NUDT5: variants seen among roughly 807,000 people sequenced by gnomAD.
NUDT5 encodes the protein nudix hydrolase 5, also known as ADP-sugar pyrophosphatase.
Under a neutral mutation model 34.1 loss-of-function variants are expected in NUDT5, and 21 were observed. The observed-to-expected ratio is 0.62, with a 90% confidence interval of 0.44 to 0.89. The LOEUF is 0.89. Ranked by LOEUF, NUDT5 falls within the 40% of genes least tolerant of loss-of-function variation. The pLI, the probability that NUDT5 is intolerant of heterozygous loss-of-function variation, is 0.00. For missense variants in NUDT5, 249 were observed against 274.8 expected, an observed-to-expected ratio of 0.91 and a Z score of 0.66; for synonymous variants, 85 against 97.6, an observed-to-expected ratio of 0.87 and a Z score of 0.76.
chr10:12,167,344 A>T lies in NUDT5; in HGVS notation c.*358T>A, dbSNP rs748334274. 5.4e-6 allele frequency: 1 copy of T among 183,624 alleles called. No individual in the cohort carries two copies. Among genetic ancestry groups the T allele is most frequent in the African/African-American group, 2.4e-5 (1 of 41,860 alleles). The allele number at this position is 183,624 out of a possible 1,614,324, so 11.4% of individuals were successfully genotyped here. A position where few individuals can be genotyped will look rare whatever the true frequency, so the allele number is the denominator to read the frequency against. ...TTAGAATTTTATATTGGGGGTTGAG[A>T]GTGGAAATGACCTAATTGAGAACTC... On this transcript the variant is annotated 3_prime_UTR_variant, in exon 10 of 10. Transcript: ENST00000491614.
chr10:12,174,369 C>T (rs891953240), intron 5 of NUDT5, among the ~76,000 whole-genome samples: 4 of 150,758 alleles, frequency 2.7e-5, no homozygotes, highest in African/African-American at 4.9e-5. Context: ...TGGGTTTAAA[C>T]GATTCTCCTG....
At position 12,182,299 on chromosome 10, in the gene NUDT5, G is replaced by A. The variant is rs565244704; in HGVS notation, c.131+2590C>T. The stretch of plus-strand genomic sequence containing the variant: ...GGGGCATCATGTTGGCAATGAAAAG[G>A]TTTTGGATTTTGCAGCATTTTGAAT... On this transcript the variant is annotated intron_variant, in intron 3 of 9. Coordinates refer to ENST00000491614, the MANE Select transcript of NUDT5 (RefSeq NM_014142.4). This position sits in a 1 kb window ranked among gnomAD's most constrained non-coding sequence, Gnocchi z 4.3. 1.3e-5 allele frequency among the ~76,000 whole-genome samples: 2 copies of A among 152,162 alleles called. No homozygotes were observed. The highest frequency in any genetic ancestry group is 2.9e-5 in the Non-Finnish European group (2 of 68,032).
At chr10:12,174,697 T>C (rs1423894083) in intron 5 of NUDT5, among the ~76,000 whole-genome samples, 1 of 152,216 alleles carries the variant, frequency 6.6e-6, no homozygotes, top group African/African-American at 2.4e-5. Flanking sequence ...TTCACGACCA[T>C]CTCCACGCTG....
chr10:12,191,716 A>C (rs1214100860), intron 1 of NUDT5, among the ~76,000 whole-genome samples: 1 of 152,226 alleles, frequency 6.6e-6, no homozygotes, highest in Non-Finnish European at 1.5e-5. Context: ...GTGAGATCCT[A>C]TGTAAAAAAT....
rs959690695 is a variant in NUDT5, at chr10:12,167,688, T to G, written c.*14A>C. On this transcript the variant is annotated 3_prime_UTR_variant, in exon 10 of 10. Transcript: ENST00000491614. Reference sequence around the variant, plus strand: ...TGGTCTCGTTTACAAAAATGGCCAGTGTCATATTTGGGCTTAAAATTTCAA... The same window carrying G: ...TGGTCTCGTTTACAAAAATGGCCAGGGTCATATTTGGGCTTAAAATTTCAA... 5.0e-6 allele frequency: 8 copies of G among 1,612,436 alleles called. No individual in the cohort carries two copies. The highest frequency in any genetic ancestry group is 1.7e-5 in the Admixed American group (1 of 59,830).
chr10:12,176,947 C>T (rs1281376085), intron 5 of NUDT5, among the ~76,000 whole-genome samples: 1 of 151,988 alleles, frequency 6.6e-6, no homozygotes, highest in African/African-American at 2.4e-5. Flanking sequence ...CACAGTGAAA[C>T]CCTGTCTCTA....
In NUDT5 at chr10:12,187,569, C is replaced by T. The variant is rs1404038959; in HGVS notation, c.-41-1237G>A. Among the ~76,000 whole-genome samples the T allele has an allele frequency of 1.3e-5, 2 of 152,134 alleles. No individual in the cohort carries two copies. Among genetic ancestry groups the T allele is most frequent in the Admixed American group, 1.3e-4 (2 of 15,276 alleles). On this transcript the variant is annotated intron_variant, in intron 1 of 9. Transcript: ENST00000491614. The surrounding 1 kb of genome is among the most constrained non-coding windows in gnomAD (Gnocchi z 5.4). ...ATTCAGCTGTATATAGAATTATAGA[C>T]CCAAAGCCAGTTGTCTATGAAACTG...
At position 12,168,825 on chromosome 10, in the gene NUDT5, C is replaced by T. The variant is rs1159385714; in HGVS notation, c.551-1014G>A. Among the ~76,000 whole-genome samples the T allele has an allele frequency of 2.6e-5, 4 of 151,924 alleles. No individual in the cohort carries two copies. Among genetic ancestry groups the T allele is most frequent in the South Asian group, 2.1e-4 (1 of 4,808 alleles). ...GTCGCCAGGCTGCAGTGCAGTGCCA[C>T]GATCTTGGCTCACTGCAACCTGCGC... On this transcript the variant is annotated intron_variant, in intron 9 of 9. Transcript: ENST00000491614. This position sits in a 1 kb window ranked among gnomAD's most constrained non-coding sequence, Gnocchi z 4.8.
In NUDT5 at chr10:12,168,537, C is replaced by T. The variant is rs1189519851; in HGVS notation, c.551-726G>A. Among the ~76,000 whole-genome samples, 3 of 152,144 alleles carry T rather than the reference C, an allele frequency of 2.0e-5. No individual in the cohort carries two copies. The highest frequency in any genetic ancestry group is 4.4e-5 in the Non-Finnish European group (3 of 68,028). On this transcript the variant is annotated intron_variant, in intron 9 of 9. Transcript: ENST00000491614. The surrounding 1 kb of genome is among the most constrained non-coding windows in gnomAD (Gnocchi z 4.8). ...GCATGTTAGGACTGGAGATCTACTACCAAGAATGCGGTCTCAGGACCTTAT... is the reference window on the plus strand; with the variant it reads ...GCATGTTAGGACTGGAGATCTACTATCAAGAATGCGGTCTCAGGACCTTAT...
In NUDT5 at chr10:12,173,617, C is replaced by G; in HGVS notation, c.385+101G>C. The G allele has an allele frequency of 4.2e-6, 4 of 947,614 alleles. No individual in the cohort carries two copies. The highest frequency in any genetic ancestry group is 1.3e-5 in the South Asian group (1 of 74,814). 58.7% of individuals were successfully genotyped at this position (947,614 alleles called of 1,614,324 possible). A position where few individuals can be genotyped will look rare whatever the true frequency, so the allele number is the denominator to read the frequency against. On this transcript the variant is annotated intron_variant, in intron 6 of 9. Transcript: ENST00000491614. This position sits in a 1 kb window ranked among gnomAD's most constrained non-coding sequence, Gnocchi z 4.7. ...GGTGACCAGTCCTAATCTGTGATTT[C>G]TTTCTCTTCAGTGAATTCTGAGCGT...
At position 12,166,461 on chromosome 10, in the gene NUDT5, A is replaced by C; in HGVS notation, c.*1241T>G. The C allele has an allele frequency of 4.2e-6, 1 of 236,882 alleles. No homozygotes were observed. The highest frequency in any genetic ancestry group is 4.8e-5 in the South Asian group (1 of 20,682). The allele number at this position is 236,882 out of a possible 1,614,324, so 14.7% of individuals were successfully genotyped here. ...ATCTGTAAAGTTCTGTATTTCCATA[A>C]TTGTTTTATCTTTAGGAAGTCCAGT... On this transcript the variant is annotated 3_prime_UTR_variant, in exon 10 of 10. Transcript: ENST00000491614.
In NUDT5 at chr10:12,173,618, TTTCTC is replaced by T; in HGVS notation, c.385+95_385+99del. On this transcript the variant is annotated intron_variant, in intron 6 of 9. Coordinates refer to ENST00000491614, the MANE Select transcript of NUDT5 (RefSeq NM_014142.4). This position sits in a 1 kb window ranked among gnomAD's most constrained non-coding sequence, Gnocchi z 4.7. ...GTGACCAGTCCTAATCTGTGATTTC[TTTCTC>T]TTCAGTGAATTCTGAGCGTAAAGAA... is the stretch of plus-strand genomic sequence containing the variant. The T allele has an allele frequency of 2.1e-6, 2 of 954,540 alleles. No individual in the cohort carries two copies. 59.1% of individuals were successfully genotyped at this position (954,540 alleles called of 1,614,324 possible). A position where few individuals can be genotyped will look rare whatever the true frequency, so the allele number is the denominator to read the frequency against.
intron 1 of NUDT5, among the ~76,000 whole-genome samples, chr10:12,189,146 G>T (rs1456502058): frequency 1.3e-5 from 2 of 151,836 alleles, no homozygotes; most frequent in African/African-American, 4.8e-5. Context: ...CGCTCTTGTT[G>T]CCCGGCTGGA....
In NUDT5 at chr10:12,168,686, T is replaced by C. The variant is rs1193067405; in HGVS notation, c.551-875A>G. 2.0e-5 allele frequency among the ~76,000 whole-genome samples: 3 copies of C among 152,194 alleles called. No homozygotes were observed. Among genetic ancestry groups the C allele is most frequent in the African/African-American group, 7.2e-5 (3 of 41,448 alleles). On this transcript the variant is annotated intron_variant, in intron 9 of 9. Transcript: ENST00000491614. This position sits in a 1 kb window ranked among gnomAD's most constrained non-coding sequence, Gnocchi z 4.8. Reference sequence around the variant, plus strand: ...TGGGGACATTTGCAGGCAGGAAGCATGTCCTACTCACCTGGGCACAGCAGG... The same window carrying C: ...TGGGGACATTTGCAGGCAGGAAGCACGTCCTACTCACCTGGGCACAGCAGG...
chr10:12,171,450 G>A lies in NUDT5; in HGVS notation c.488-542C>T, dbSNP rs1054742058. Among the ~76,000 whole-genome samples, 1 of 152,174 alleles carries A rather than the reference G, an allele frequency of 6.6e-6. No homozygotes were observed. The highest frequency in any genetic ancestry group is 2.4e-5 in the African/African-American group (1 of 41,456). On this transcript the variant is annotated intron_variant, in intron 7 of 9. Coordinates refer to ENST00000491614, the MANE Select transcript of NUDT5 (RefSeq NM_014142.4). This position sits in a 1 kb window ranked among gnomAD's most constrained non-coding sequence, Gnocchi z 4.2. ...TTTCAGCGTGTATGTGTGTTTGTGT[G>A]TATACCACACTTTGTGGATGCATTC... is the stretch of plus-strand genomic sequence containing the variant.
At position 12,166,769 on chromosome 10, in the gene NUDT5, A is replaced by C; in HGVS notation, c.*933T>G. The C allele has an allele frequency of 2.0e-6, 1 of 496,542 alleles. No individual in the cohort carries two copies. Among genetic ancestry groups the C allele is most frequent in the South Asian group, 1.5e-5 (1 of 66,082 alleles). 30.8% of individuals were successfully genotyped at this position (496,542 alleles called of 1,614,324 possible). A position where few individuals can be genotyped will look rare whatever the true frequency, so the allele number is the denominator to read the frequency against. The stretch of plus-strand genomic sequence containing the variant: ...CTAAAAGTCAACACAAAAAGAGCTA[A>C]ACTCACTCAAGAAGCTAAGAAAATG... On this transcript the variant is annotated 3_prime_UTR_variant, in exon 10 of 10. Coordinates refer to ENST00000491614, the MANE Select transcript of NUDT5 (RefSeq NM_014142.4).
At chr10:12,177,936 T>C (rs1256710798) in intron 4 of NUDT5, 36 bp from the exon 5 acceptor site, 1 of 1,521,152 alleles carries the variant, frequency 6.6e-7, no homozygotes, top group Non-Finnish European at 9.1e-7. Flanking sequence ...AAATCCCTAA[T>C]GAGAGGTCAG....
At position 12,173,592 on chromosome 10, in the gene NUDT5, G is replaced by T; in HGVS notation, c.385+126C>A. 3.9e-6 allele frequency: 3 copies of T among 759,818 alleles called. No individual in the cohort carries two copies. The highest frequency in any genetic ancestry group is 6.9e-6 in the Non-Finnish European group (3 of 436,744). 47.1% of individuals were successfully genotyped at this position (759,818 alleles called of 1,614,324 possible). On this transcript the variant is annotated intron_variant, in intron 6 of 9. Transcript: ENST00000491614. The surrounding 1 kb of genome is among the most constrained non-coding windows in gnomAD (Gnocchi z 4.7). ...TGGGAGGGGAGATTCCCTTACACTT[G>T]GTGACCAGTCCTAATCTGTGATTTC...
At chr10:12,192,266 T>TA (rs1371433559) in intron 1 of NUDT5, among the ~76,000 whole-genome samples, 1 of 150,744 alleles carries the variant, frequency 6.6e-6, no homozygotes, top group Non-Finnish European at 1.5e-5. Flanking sequence ...ATCATGCCAC[T>TA]ACACTCCAGC....
Sources: gnomAD v4.1 joint callset for allele counts (sites outside exome capture counted in the v4.1 genomes callset) on GRCh38, gnomAD v4.1.1 for gene constraint, Gnocchi (gnomAD v3.1) non-coding constraint, MANE v1.5 for transcripts, NCBI Gene and HGNC (gene_info 2026-07-23, HGNC 2026-07-21) for gene names.